The following STK32B variants were observed in gnomAD, a reference collection of about 807,000 sequenced individuals.
STK32B encodes serine/threonine kinase 32B, also known as serine/threonine-protein kinase 32B.
STK32B carries 43 observed loss-of-function variants against 52.6 expected under a neutral mutation model. The ratio of observed to expected loss-of-function variants is 0.82; its 90% CI spans 0.64 to 1.05. The LOEUF (loss-of-function observed/expected upper bound fraction) is 1.05. Ranked by LOEUF, STK32B falls within the 50% of genes least tolerant of loss-of-function variation. STK32B has a pLI of 0.00. For synonymous variants in STK32B, 238 were observed against 204.3 expected, an observed-to-expected ratio of 1.17 and a Z score of -1.41; for missense variants, 621 against 534.6, an observed-to-expected ratio of 1.16 and a Z score of -1.59.
intron 3 of STK32B, among the ~76,000 whole-genome samples, chr4:5,269,291 C>G (rs1267149448): frequency 6.6e-6 from 1 of 152,074 alleles, no homozygotes; most frequent in African/African-American, 2.4e-5. Flanking sequence ...CCTCAGAATT[C>G]AAGAGGAATT....
intron 4 of STK32B, among the ~76,000 whole-genome samples, chr4:5,358,701 G>GCACACACA (rs59614605): frequency 2.8e-5 from 3 of 106,810 alleles, no homozygotes; most frequent in South Asian, 5.6e-4. Context: ...TCACACACAT[G>GCACACACA]CACACACACA....
intron 3 of STK32B, among the ~76,000 whole-genome samples, chr4:5,311,914 A>AT (rs1553869016): frequency 3.4e-4 from 50 of 145,478 alleles, no homozygotes; most frequent in African/African-American, 1.0e-3. Flanking sequence ...ATATATATAT[A>AT]TTTTTTTTTA....
chr4:5,468,135 A>C, intron 11 of STK32B, 65 bp downstream of exon 11: 1 of 1,543,178 alleles, frequency 6.5e-7, no homozygotes, highest in Non-Finnish European at 9.0e-7. Context: ...TCCTCCTGGC[A>C]GAATCACAGT....
chr4:5,305,264 G>A (rs559198027), intron 3 of STK32B, among the ~76,000 whole-genome samples: 3 of 146,156 alleles, frequency 2.1e-5, no homozygotes, highest in South Asian at 4.2e-4. Flanking sequence ...CAGTAGGATT[G>A]GTCCCAATTC....
chr4:5,480,401 A>G (rs1718594457), intron 11 of STK32B, among the ~76,000 whole-genome samples: 1 of 152,200 alleles, frequency 6.6e-6, no homozygotes, highest in Non-Finnish European at 1.5e-5. Context: ...AATACATTTA[A>G]GAAATACATT....
At chr4:5,245,724 C>G (rs1267509137) in intron 3 of STK32B, among the ~76,000 whole-genome samples, 1 of 152,166 alleles carries the variant, frequency 6.6e-6, no homozygotes, top group South Asian at 2.1e-4. Flanking sequence ...TTGTTCCTTT[C>G]CATGTTTAGT....
intron 4 of STK32B, among the ~76,000 whole-genome samples, chr4:5,347,413 G>A (rs757333465): frequency 5.3e-5 from 8 of 152,206 alleles, no homozygotes; most frequent in Non-Finnish European, 7.3e-5. Context: ...GGAATATGCT[G>A]TGTTATACAG....
the STK32B span, among the ~76,000 whole-genome samples, chr4:5,033,192 C>T: frequency 2.0e-5 from 3 of 152,140 alleles, no homozygotes; most frequent in Non-Finnish European, 4.4e-5. Context: ...AGAACGCTGG[C>T]GGAATGAGGG....
rs954810198 is a variant in STK32B at position 5,416,975 on chromosome 4, A to G, written c.562+41A>G. The G allele has an allele frequency of 9.7e-6, 15 of 1,538,666 alleles. No homozygotes were observed. The African/African-American group carries it at 1.6e-4, about 17-fold the overall frequency. The stretch of plus-strand genomic sequence containing the variant: ...CCCTTCTTTTCATGTGATCGGGCTC[A>G]CTGCCTAAGACTCAGCATCCTTCTC... On this transcript the variant is annotated intron_variant, in intron 6 of 11. Coordinates refer to ENST00000282908, the MANE Select transcript of STK32B (RefSeq NM_018401.3).
At chr4:5,292,702 A>G (rs975528685) in intron 3 of STK32B, among the ~76,000 whole-genome samples, 3 of 151,840 alleles carry the variant, frequency 2.0e-5, no homozygotes, top group African/African-American at 7.3e-5. Context: ...GCTTTTGAGG[A>G]CTTAGTGATA....
intron 3 of STK32B, among the ~76,000 whole-genome samples, chr4:5,207,487 G>T (rs965252661): frequency 2.0e-5 from 3 of 151,956 alleles, no homozygotes; most frequent in African/African-American, 7.2e-5. Context: ...TGATTGTGAG[G>T]CCTCTCCAGC....
chr4:5,316,584 A>C (rs1577334211), intron 3 of STK32B, among the ~76,000 whole-genome samples: 1 of 6,438 alleles, frequency 1.6e-4, no homozygotes, highest in Non-Finnish European at 2.1e-4. Context: ...TATATAATAT[A>C]TAATATATAT....
At chr4:5,458,180 G>A (rs771955894) in intron 8 of STK32B, among the ~76,000 whole-genome samples, 1 of 152,164 alleles carries the variant, frequency 6.6e-6, no homozygotes, top group Non-Finnish European at 1.5e-5. Context: ...GAGCTCTCCA[G>A]GTGGTTCTGG....
chr4:5,309,123 A>C (rs1352891063), intron 3 of STK32B, among the ~76,000 whole-genome samples: 2 of 152,190 alleles, frequency 1.3e-5, no homozygotes, highest in Non-Finnish European at 2.9e-5. Context: ...GGGAAAAGAA[A>C]TTAAGAAAAC....
At chr4:5,245,731 T>C (rs1725398661) in intron 3 of STK32B, among the ~76,000 whole-genome samples, 1 of 152,228 alleles carries the variant, frequency 6.6e-6, no homozygotes, top group South Asian at 2.1e-4. Context: ...TTTCCATGTT[T>C]AGTGCTTCCT....
intron 11 of STK32B, among the ~76,000 whole-genome samples, chr4:5,487,105 T>C (rs1719286888): frequency 6.6e-6 from 1 of 152,234 alleles, no homozygotes; most frequent in Admixed American, 6.5e-5. Context: ...AACCATGCTG[T>C]AGTTAGGCTT....
intron 1 of STK32B, among the ~76,000 whole-genome samples, chr4:5,061,317 G>A (rs943999019): frequency 1.3e-5 from 2 of 152,048 alleles, no homozygotes; most frequent in Non-Finnish European, 2.9e-5. Context: ...TTTAGTTCTA[G>A]AATTGTCCGT....
intron 5 of STK32B, among the ~76,000 whole-genome samples, chr4:5,408,028 C>T (rs562706859): frequency 3.3e-5 from 5 of 152,258 alleles, no homozygotes; most frequent in African/African-American, 1.2e-4. Flanking sequence ...AGCAGGCCCT[C>T]CACAGACACC....
At position 5,460,132 on chromosome 4, in the gene STK32B, G is replaced by C; in HGVS notation, c.813G>C (p.Val271=). 1 of 1,614,206 alleles carries C rather than the reference G, an allele frequency of 6.2e-7. No homozygotes were observed. The highest frequency in any genetic ancestry group is 8.5e-7 in the Non-Finnish European group (1 of 1,180,046). The change falls in exon 9 of 12, where the codon GTG becomes GTC. Residue 271 remains valine (V), a synonymous_variant. Transcript: ENST00000282908. This position sits in a 1 kb window ranked among gnomAD's most constrained non-coding sequence, Gnocchi z 4.8. ...TGACCAAGGATCCTGAGAGCCGCGTGTCCAGCCTTCATGACATACAGAGCG... is the reference window on the plus strand; with the variant it reads ...TGACCAAGGATCCTGAGAGCCGCGTCTCCAGCCTTCATGACATACAGAGCG... ...KLLTKDPESR[V]SSLHDIQSVP...
Sources: gnomAD v4.1 joint callset for allele counts (sites outside exome capture counted in the v4.1 genomes callset) on GRCh38, gnomAD v4.1.1 for gene constraint, Gnocchi (gnomAD v3.1) non-coding constraint, MANE v1.5 for transcripts, NCBI Gene and HGNC (gene_info 2026-07-23, HGNC 2026-07-21) for gene names.